Variants in SETD2 observed in about 807,000 individuals in gnomAD.
SETD2 encodes the protein SET domain containing 2, histone lysine methyltransferase, also known as histone-lysine N-methyltransferase SETD2.
A neutral mutation model predicts 242.1 loss-of-function variants in SETD2; 31 were observed. That is an observed-to-expected ratio of 0.13 (90% CI 0.10 to 0.17). SETD2 has a LOEUF of 0.17. Among genes scored for constraint, SETD2 ranks in the 10% least tolerant of loss-of-function variants. The pLI is 1.00. For missense variants in SETD2, 2,481 were observed against 3,046.3 expected (o/e 0.81, Z 4.37); for synonymous variants, 1,006 against 1,066.5 (o/e 0.94, Z 1.11).
chr3:47,146,643 T>A (rs1045360323), intron 1 of SETD2, among the ~76,000 whole-genome samples: 3 of 126,254 alleles, frequency 2.4e-5, no homozygotes, highest in South Asian at 2.5e-4. Context: ...AAAAAAAAAA[T>A]TCCTTCATAT....
chr3:47,094,217 G>T (rs931686803), intron 9 of SETD2, among the ~76,000 whole-genome samples: 2 of 152,234 alleles, frequency 1.3e-5, no homozygotes, highest in South Asian at 4.1e-4. Context: ...ATAACATCAG[G>T]TCATAGTAGG....
intron 9 of SETD2, among the ~76,000 whole-genome samples, chr3:47,092,710 A>T (rs2041854588): frequency 6.6e-6 from 1 of 152,028 alleles, no homozygotes; most frequent in Admixed American, 6.6e-5. Context: ...TTCTTGATGG[A>T]ATACAACATA....
At chr3:47,148,819 T>C (rs1387953873) in intron 1 of SETD2, among the ~76,000 whole-genome samples, 4 of 152,184 alleles carry the variant, frequency 2.6e-5, no homozygotes, top group Admixed American at 6.6e-5. Context: ...CCCAGCACTT[T>C]GGGAGGCTGA....
intron 7 of SETD2, 48 bp downstream of exon 7, chr3:47,103,298 C>T (rs2107687865): frequency 1.6e-6 from 2 of 1,268,084 alleles, no homozygotes; most frequent in Non-Finnish European, 2.3e-6. Context: ...ATGGTCAGAA[C>T]AGCAATCGTG....
intron 2 of SETD2, among the ~76,000 whole-genome samples, chr3:47,124,861 G>C (rs919803186): frequency 4.6e-5 from 7 of 151,918 alleles, no homozygotes; most frequent in Admixed American, 2.0e-4. Context: ...TTTTTAAAAA[G>C]AATTTTTTAA....
At chr3:47,111,856 T>C (rs2042664614) in intron 5 of SETD2, among the ~76,000 whole-genome samples, 1 of 152,108 alleles carries the variant, frequency 6.6e-6, no homozygotes, top group Non-Finnish European at 1.5e-5. Flanking sequence ...AATTATTGTC[T>C]TTATTACCTG....
intron 14 of SETD2, among the ~76,000 whole-genome samples, chr3:47,061,171 T>A (rs1049323962): frequency 4.0e-5 from 6 of 151,862 alleles, no homozygotes; most frequent in African/African-American, 1.5e-4. Flanking sequence ...TGAGCCGAGA[T>A]CATGCCACTG....
In SETD2 at chr3:47,123,235, C is replaced by T. The variant is rs2106698781; in HGVS notation, c.1401G>A (p.Lys467=). ...ESSDSEEEYK[K]TYSRRTSSHS... Reference sequence around the variant, plus strand: ...GAGATGAGGTACGCCTTGAGTATGTCTTCTTATACTCTTCTTCTGAGTCAG... The same window carrying T: ...GAGATGAGGTACGCCTTGAGTATGTTTTCTTATACTCTTCTTCTGAGTCAG... Residue 467 remains lysine (K), a synonymous_variant, in exon 3 of 21, where the codon AAG becomes AAA. Transcript: ENST00000409792. The T allele has an allele frequency of 6.4e-7, 1 of 1,557,790 alleles. No homozygotes were observed. Among genetic ancestry groups the T allele is most frequent in the African/African-American group, 1.4e-5 (1 of 73,304 alleles).
At chr3:47,153,758 G>GAA (rs200188709) in intron 1 of SETD2, among the ~76,000 whole-genome samples, 4,404 of 107,266 alleles carry the variant, frequency 0.041, 195 homozygotes, top group East Asian at 0.17. Context: ...ATCCAAAAAA[G>GAA]AAAAAAAAAA....
At chr3:47,060,255 C>T (rs900129681) in intron 14 of SETD2, among the ~76,000 whole-genome samples, 1 of 152,196 alleles carries the variant, frequency 6.6e-6, no homozygotes, top group African/African-American at 2.4e-5. Context: ...GAGTAAGACC[C>T]TGTCTCAACA....
intron 1 of SETD2, among the ~76,000 whole-genome samples, chr3:47,162,712 T>G (rs916708171): frequency 6.6e-6 from 1 of 152,200 alleles, no homozygotes; most frequent in Non-Finnish European, 1.5e-5. Flanking sequence ...TCATAAAAGT[T>G]TGACAGTTTC....
intron 1 of SETD2, among the ~76,000 whole-genome samples, chr3:47,129,509 A>T (rs550933199): frequency 1.3e-5 from 2 of 152,294 alleles, no homozygotes; most frequent in Admixed American, 1.3e-4. Flanking sequence ...CTCCCTCATG[A>T]TAGAGCTGGT....
chr3:47,152,116 T>G (rs1172485318), intron 1 of SETD2, among the ~76,000 whole-genome samples: 2 of 152,234 alleles, frequency 1.3e-5, no homozygotes, highest in African/African-American at 2.4e-5. Flanking sequence ...AAAGTTGTTT[T>G]GTTTTTGTTC....
At chr3:47,149,803 T>G (rs1184611805) in intron 1 of SETD2, among the ~76,000 whole-genome samples, 1 of 152,144 alleles carries the variant, frequency 6.6e-6, no homozygotes, top group African/African-American at 2.4e-5. Flanking sequence ...TCTCAGCTAG[T>G]TGTTCTAAAC....
chr3:47,110,560 C>T (rs1189517686), intron 5 of SETD2, among the ~76,000 whole-genome samples: 1 of 152,084 alleles, frequency 6.6e-6, no homozygotes, highest in Non-Finnish European at 1.5e-5. Context: ...TTGGTGGGGT[C>T]TGCCATGGCA....
chr3:47,075,119 G>A (rs1300564332), intron 12 of SETD2, among the ~76,000 whole-genome samples: 1 of 146,014 alleles, frequency 6.8e-6, no homozygotes, highest in South Asian at 2.2e-4. Context: ...GGGCGACAGA[G>A]CGAGACTCCG....
rs2040113696 is a variant in SETD2, at chr3:47,057,028, G to A, written c.6756C>T (p.Ser2252=). ...AQSDGVVHQD[S]SVAVLPVPAP... Reference sequence around the variant, plus strand: ...CCGGCACTGGCAAGACAGCAACGCTGGAGTCTTGGTGTACTACACCATCAC... The same window carrying A: ...CCGGCACTGGCAAGACAGCAACGCTAGAGTCTTGGTGTACTACACCATCAC... Residue 2252 remains serine, a synonymous_variant, in exon 15 of 21, where the codon TCC becomes TCT. Coordinates refer to ENST00000409792, the MANE Select transcript of SETD2 (RefSeq NM_014159.7). 1.2e-6 allele frequency: 2 copies of A among 1,614,136 alleles called. No individual in the cohort carries two copies. The highest frequency in any genetic ancestry group is 1.7e-6 in the Non-Finnish European group (2 of 1,180,062).
chr3:47,041,521 T>C, intron 17 of SETD2: 1 of 264,398 alleles, frequency 3.8e-6, no homozygotes, highest in Non-Finnish European at 7.6e-6. Context: ...AAAGAAAAAA[T>C]TCCATAGTTC....
At chr3:47,106,526 A>AAAC (rs1559726485) in intron 5 of SETD2, among the ~76,000 whole-genome samples, 9 of 133,262 alleles carry the variant, frequency 6.8e-5, no homozygotes, top group African/African-American at 2.4e-4. Context: ...AAAAAAAAAA[A>AAAC]GGCAGCCGGG....
Sources: gnomAD v4.1 joint callset for allele counts (sites outside exome capture counted in the v4.1 genomes callset) on GRCh38, gnomAD v4.1.1 for gene constraint, MANE v1.5 for transcripts, NCBI Gene and HGNC (gene_info 2026-07-23, HGNC 2026-07-21) for gene names.